TMEM222: variants seen among roughly 807,000 people sequenced by gnomAD.
TMEM222 encodes the protein chromosome 1 open reading frame 160.
In TMEM222, 18 loss-of-function variants were observed where a neutral mutation model predicts 25.1. That is an observed-to-expected ratio of 0.72 (90% CI 0.50 to 1.06). The LOEUF is 1.06. TMEM222 is among the 50% of genes least tolerant of loss of function. The pLI, the probability that TMEM222 is intolerant of heterozygous loss-of-function variation, is 0.00. For synonymous variants in TMEM222, 131 were observed against 117.9 expected (o/e 1.11, Z -0.72); for missense variants, 296 against 293.7 (o/e 1.01, Z -0.06).
At chr1:27,333,411 G>T in intron 3 of TMEM222, 1 of 470,846 alleles carries the variant, frequency 2.1e-6, no homozygotes, top group Non-Finnish European at 4.4e-6. Context: ...CGTTCTGGCT[G>T]CCATAACAAA....
intron 2 of TMEM222, 160 bp downstream of exon 2, chr1:27,330,964 T>C: frequency 2.0e-6 from 3 of 1,506,990 alleles, no homozygotes; most frequent in East Asian, 2.4e-5. Context: ...TTGACCCCTT[T>C]CCCCCTTCTC....
chr1:27,323,304 G>A (rs1438586134), intron 1 of TMEM222, among the ~76,000 whole-genome samples: 1 of 152,196 alleles, frequency 6.6e-6, no homozygotes, highest in Non-Finnish European at 1.5e-5. Context: ...ACTCTCACCT[G>A]ATGGGATAGC....
chr1:27,323,936 T>G (rs2014275195), intron 1 of TMEM222, among the ~76,000 whole-genome samples: 1 of 152,206 alleles, frequency 6.6e-6, no homozygotes, highest in Non-Finnish European at 1.5e-5. Context: ...TTTGAGAGTT[T>G]AAGTCATAGT....
At chr1:27,328,481 C>T (rs1033298981) in intron 1 of TMEM222, among the ~76,000 whole-genome samples, 1 of 152,174 alleles carries the variant, frequency 6.6e-6, no homozygotes, top group African/African-American at 2.4e-5. Flanking sequence ...CTGGCCCTAC[C>T]ATTGTCTCAA....
intron 1 of TMEM222, among the ~76,000 whole-genome samples, chr1:27,323,516 A>T (rs1262208282): frequency 1.3e-5 from 2 of 152,248 alleles, no homozygotes; most frequent in Admixed American, 6.5e-5. Context: ...GCGGTGGCTC[A>T]TGCCTGTAAT....
intron 1 of TMEM222, chr1:27,325,608 CAGA>C: frequency 1.1e-6 from 1 of 934,052 alleles, no homozygotes; most frequent in Non-Finnish European, 1.8e-6. Context: ...CGACAGGATG[CAGA>C]AGGAGATTAA....
Position 27,322,238 on chromosome 1 carries a change from C to A in TMEM222, c.41C>A (p.Pro14Gln). 6.8e-7 allele frequency: 1 copy of A among 1,463,600 alleles called. No homozygotes were observed. Among genetic ancestry groups the A allele is most frequent in the South Asian group, 1.3e-5 (1 of 74,662 alleles). 90.7% of individuals were successfully genotyped at this position (1,463,600 alleles called of 1,614,324 possible). ...GGGAGTTCTCTGCTCTTGTTGCCGC[C>A]GCCGCCACCCCCGCCCAGGATGGCG... Reference protein sequence around the residue: ...AEGSSLLLLPPPPPPPRMAEV... With the variant: ...AEGSSLLLLPQPPPPPRMAEV... The change falls in exon 1 of 6, where the codon CCG becomes CAG. Residue 14 changes from proline (P) to glutamine (Q), a missense_variant. Transcript: ENST00000374076.
chr1:27,334,323 G>A, intron 5 of TMEM222, 42 bp downstream of exon 5: 5 of 1,612,784 alleles, frequency 3.1e-6, no homozygotes, highest in Non-Finnish European at 4.2e-6. Flanking sequence ...ACTGCCCAGA[G>A]GCTGCTCTCC....
rs774575454 is a variant in TMEM222 at position 27,330,783 on chromosome 1, CGCG to C, written c.260_262del (p.Ala87del). On this transcript the variant is annotated inframe_deletion, in exon 2 of 6. Transcript: ENST00000374076. ...CATCCACAGGAGTCATTCGGGACTT[CGCG>C]GGCCCCTACTTTGTCTCAGTGAGTC... 6.2e-7 allele frequency: 1 copy of C among 1,614,170 alleles called. No individual in the cohort carries two copies. Among genetic ancestry groups the C allele is most frequent in the Admixed American group, 1.7e-5 (1 of 60,026 alleles).
chr1:27,334,466 A>G, intron 5 of TMEM222, 185 bp downstream of exon 5: 1 of 1,258,082 alleles, frequency 7.9e-7, no homozygotes, highest in Non-Finnish European at 1.1e-6. Flanking sequence ...GCTGTGCTGA[A>G]GTCCAGCTCC....
chr1:27,333,570 T>G (rs1571013661), intron 3 of TMEM222: 1 of 426,002 alleles, frequency 2.3e-6, no homozygotes, highest in Non-Finnish European at 4.7e-6. Context: ...GGTGGAGGGG[T>G]GAGGGGTCTC....
chr1:27,335,768 C>T lies in TMEM222; in HGVS notation c.*302C>T, dbSNP rs1052305054. The T allele has an allele frequency of 6.9e-6, 3 of 434,902 alleles. No individual in the cohort carries two copies. The highest frequency in any genetic ancestry group is 1.3e-5 in the Non-Finnish European group (3 of 234,194). 26.9% of individuals were successfully genotyped at this position (434,902 alleles called of 1,614,324 possible). Reference sequence around the variant, plus strand: ...CGCTGTAGAGCTGCTCCCGCCACCACCTGCTGGGGTCCTGCCTCAGCCCAG... The same window carrying T: ...CGCTGTAGAGCTGCTCCCGCCACCATCTGCTGGGGTCCTGCCTCAGCCCAG... On this transcript the variant is annotated 3_prime_UTR_variant, in exon 6 of 6. Coordinates refer to ENST00000374076, the MANE Select transcript of TMEM222 (RefSeq NM_032125.3).
chr1:27,334,165 T>C lies in TMEM222; in HGVS notation c.423T>C (p.Cys141=). The change falls in exon 5 of 6, where the codon TGT becomes TGC. Residue 141 remains cysteine (C), a synonymous_variant. Transcript: ENST00000374076. ...GGTGCCTCCAGCACAATCTCTGCTG[T>C]GACAACTGCCACTCGCACGTGGCAT... ...EYKHRMHNLC[C]DNCHSHVALA... The C allele has an allele frequency of 6.2e-7, 1 of 1,614,194 alleles. No individual in the cohort carries two copies.
At chr1:27,322,514 C>A in intron 1 of TMEM222, 123 bp downstream of exon 1, 1 of 943,094 alleles carries the variant, frequency 1.1e-6, no homozygotes, top group Non-Finnish European at 1.4e-6. Flanking sequence ...CCGCACGCCT[C>A]GCCCAGTCAC....
In TMEM222 at chr1:27,324,120, G is replaced by A. The variant is rs139574704; in HGVS notation, c.194+1729G>A. ...GCGGGCGAATCACCTGAGGTCAGGA[G>A]TTCAAGACAAGCCTGACCAACATGG... On this transcript the variant is annotated intron_variant, in intron 1 of 5. Coordinates refer to ENST00000374076, the MANE Select transcript of TMEM222 (RefSeq NM_032125.3). 2.2e-3 allele frequency among the ~76,000 whole-genome samples: 338 copies of A among 152,360 alleles called. 4 individuals are homozygous for A. The highest frequency in any genetic ancestry group is 7.6e-3 in the African/African-American group (317 of 41,594).
intron 2 of TMEM222, 75 bp downstream of exon 2, chr1:27,330,879 G>T: frequency 6.2e-7 from 1 of 1,600,260 alleles, no homozygotes; most frequent in Admixed American, 1.7e-5. Context: ...CTGCAGGCAG[G>T]CTTCGTCTCC....
Position 27,335,844 on chromosome 1 carries a change from C to G in TMEM222, c.*378C>G, listed in dbSNP as rs1457803810. 1.8e-5 allele frequency: 5 copies of G among 279,682 alleles called. No individual in the cohort carries two copies. Among genetic ancestry groups the G allele is most frequent in the Non-Finnish European group, 2.8e-5 (4 of 141,682 alleles). The allele number at this position is 279,682 out of a possible 1,614,324, so 17.3% of individuals were successfully genotyped here. ...TTTGGGCTCACCTGTCAAGGTGGCC[C>G]TGGGACCAGAGCTGGTCCCAGCATG... On this transcript the variant is annotated 3_prime_UTR_variant, in exon 6 of 6. Coordinates refer to ENST00000374076, the MANE Select transcript of TMEM222 (RefSeq NM_032125.3).
chr1:27,322,373 C>T lies in TMEM222; in HGVS notation c.176C>T (p.Thr59Met), dbSNP rs1421012596. 4.1e-6 allele frequency: 6 copies of T among 1,463,484 alleles called. No individual in the cohort carries two copies. The highest frequency in any genetic ancestry group is 4.6e-6 in the Non-Finnish European group (5 of 1,095,668). The allele number at this position is 1,463,484 out of a possible 1,614,324, so 90.7% of individuals were successfully genotyped here. A position where few individuals can be genotyped will look rare whatever the true frequency, so the allele number is the denominator to read the frequency against. Residue 59 changes from threonine to methionine, a missense_variant, in exon 1 of 6, where the codon ACG (threonine) becomes ATG (methionine). Thr to Met is a moderately conservative substitution (Grantham distance 81). Transcript: ENST00000374076. ...RSRFPYCVVW[T>M]PIPVLTWFFP... ...CGCTTCCCCTACTGCGTGGTGTGGA[C>T]GCCCATCCCGGTGCTCACGTGAGTC...
intron 3 of TMEM222, chr1:27,333,005 G>A (rs561813336): frequency 1.4e-4 from 41 of 300,308 alleles, no homozygotes; most frequent in African/African-American, 8.6e-4. Context: ...GAGACCCACC[G>A]GGCACTCTGG....
Sources: allele counts gnomAD v4.1 joint callset (sites outside exome capture counted in the v4.1 genomes callset), GRCh38; gene constraint gnomAD v4.1.1; transcripts MANE v1.5; gene names NCBI Gene and HGNC (gene_info 2026-07-23, HGNC 2026-07-21).